The following LTBP1 variants were observed in gnomAD, a reference collection of about 807,000 sequenced individuals.
The protein encoded by LTBP1 is latent transforming growth factor beta binding protein 1.
LTBP1 carries 129 observed loss-of-function variants against 207.6 expected under a neutral mutation model. The observed-to-expected ratio is 0.62, with a 90% CI of 0.54 to 0.72. The LOEUF is 0.72. Among genes scored for constraint, LTBP1 ranks in the 30% least tolerant of loss-of-function variants. The pLI is 0.00. For synonymous variants in LTBP1, 963 were observed against 833.7 expected (o/e 1.16, Z -2.67); for missense variants, 2,281 against 2,217.2 (o/e 1.03, Z -0.58).
intron 3 of LTBP1, among the ~76,000 whole-genome samples, chr2:33,097,990 T>C (rs1489631668): frequency 6.6e-6 from 1 of 152,190 alleles, no homozygotes; most frequent in African/African-American, 2.4e-5. Flanking sequence ...AGTAGGTCAA[T>C]GAGTACATCA....
intron 15 of LTBP1, among the ~76,000 whole-genome samples, chr2:33,267,548 A>C (rs976179849): frequency 1.3e-5 from 2 of 152,258 alleles, no homozygotes; most frequent in African/African-American, 4.8e-5. Context: ...GCTGCAAAGT[A>C]TACAAGCAAA....
At chr2:32,998,524 A>G (rs1685638943) in intron 2 of LTBP1, among the ~76,000 whole-genome samples, 1 of 144,396 alleles carries the variant, frequency 6.9e-6, no homozygotes, top group South Asian at 2.1e-4. Context: ...AAAAAAAAAA[A>G]AAAAAAAAAA....
chr2:33,136,235 G>A (rs2082134081), intron 5 of LTBP1, among the ~76,000 whole-genome samples: 1 of 152,224 alleles, frequency 6.6e-6, no homozygotes, highest in African/African-American at 2.4e-5. Context: ...GCCATTAGGT[G>A]CCAAATGGCA....
chr2:33,146,725 A>C (rs989191690), intron 5 of LTBP1, among the ~76,000 whole-genome samples: 4 of 152,174 alleles, frequency 2.6e-5, no homozygotes, highest in Non-Finnish European at 5.9e-5. Flanking sequence ...ACATGGTTGG[A>C]GAAGGAGGAG....
At chr2:33,256,882 A>G (rs1048133029) in intron 11 of LTBP1, among the ~76,000 whole-genome samples, 2 of 149,218 alleles carry the variant, frequency 1.3e-5, no homozygotes, top group Non-Finnish European at 3.0e-5. Flanking sequence ...ATACTATGCA[A>G]TTTTATGTAA....
intron 4 of LTBP1, among the ~76,000 whole-genome samples, chr2:33,119,745 A>T (rs7575244): frequency 0.41 from 62,022 of 151,796 alleles, 12,883 homozygotes; most frequent in South Asian, 0.44. Context: ...TTTTTAGTAG[A>T]GGCGGGGTTT....
At chr2:33,055,492 A>C (rs1284716440) in intron 3 of LTBP1, among the ~76,000 whole-genome samples, 1 of 152,194 alleles carries the variant, frequency 6.6e-6, no homozygotes, top group African/African-American at 2.4e-5. Context: ...GTGGGGATCC[A>C]TACTGGGGAT....
rs145715707 is a variant in LTBP1, at chr2:33,096,705, G to T, written c.864-13877G>T. Among the ~76,000 whole-genome samples, 604 of 152,254 alleles carry T rather than the reference G, an allele frequency of 4.0e-3. 7 individuals are homozygous for T. The highest frequency in any genetic ancestry group is 0.014 in the African/African-American group (561 of 41,548). ...TGTGAAAATCCACTTGTAAGAGAATGGAAAGGAATTGGTGGTGATGGGTGT... is the reference window on the plus strand; with the variant it reads ...TGTGAAAATCCACTTGTAAGAGAATTGAAAGGAATTGGTGGTGATGGGTGT... On this transcript the variant is annotated intron_variant, in intron 3 of 33. Coordinates refer to ENST00000404816, the MANE Select transcript of LTBP1 (RefSeq NM_206943.4).
At chr2:33,169,772 C>T (rs535192137) in intron 5 of LTBP1, among the ~76,000 whole-genome samples, 41 of 152,020 alleles carry the variant, frequency 2.7e-4, no homozygotes, top group African/African-American at 9.4e-4. Flanking sequence ...AAAACCAACA[C>T]GAGAGTAATT....
At chr2:33,210,060 T>A (rs1573201319) in intron 7 of LTBP1, among the ~76,000 whole-genome samples, 1 of 152,374 alleles carries the variant, frequency 6.6e-6, no homozygotes, top group East Asian at 1.9e-4. Context: ...TTGTGGGTCA[T>A]CCTTACATTG....
At chr2:33,098,733 C>T (rs1481256677) in intron 3 of LTBP1, among the ~76,000 whole-genome samples, 1 of 152,188 alleles carries the variant, frequency 6.6e-6, no homozygotes, top group East Asian at 1.9e-4. Flanking sequence ...GCCACCGCGC[C>T]TGGCCCACAA....
intron 5 of LTBP1, among the ~76,000 whole-genome samples, chr2:33,141,217 A>C (rs2082624354): frequency 6.6e-6 from 1 of 152,232 alleles, no homozygotes; most frequent in Non-Finnish European, 1.5e-5. Context: ...GTATGAGTCC[A>C]TTTATATGAG....
At chr2:33,140,732 A>C (rs2082585309) in intron 5 of LTBP1, among the ~76,000 whole-genome samples, 1 of 148,704 alleles carries the variant, frequency 6.7e-6, no homozygotes, top group Admixed American at 6.9e-5. Flanking sequence ...CAGTGCCGCC[A>C]TCTCAGCTCA....
Position 33,020,920 on chromosome 2 carries a change from C to G in LTBP1, c.577C>G (p.Pro193Ala). The G allele has an allele frequency of 6.3e-7, 1 of 1,583,722 alleles. No homozygotes were observed. Among genetic ancestry groups the G allele is most frequent in the Non-Finnish European group, 8.6e-7 (1 of 1,159,010 alleles). ...TTTTCTTTCTGCAGCTAGCTGTGTT[C>G]CGCCATGTCAGAATGGAGGGATGTG... ...SQRCTKPSCVPPCQNGGMCLR... is the reference protein window; with the variant it reads ...SQRCTKPSCVAPCQNGGMCLR... The change falls in exon 3 of 34, where the codon CCG becomes GCG. Residue 193 changes from proline to alanine, a missense_variant. Coordinates refer to ENST00000404816, the MANE Select transcript of LTBP1 (RefSeq NM_206943.4).
chr2:33,339,667 C>T (rs1219563813), intron 24 of LTBP1, among the ~76,000 whole-genome samples: 8 of 150,448 alleles, frequency 5.3e-5, no homozygotes, highest in South Asian at 2.1e-4. Context: ...TTTTTTGAGA[C>T]GGAGTTTCGC....
intron 32 of LTBP1, among the ~76,000 whole-genome samples, chr2:33,392,821 G>A (rs187501407): frequency 4.9e-4 from 74 of 150,110 alleles, no homozygotes; most frequent in African/African-American, 1.8e-3. Flanking sequence ...AAATATTGTC[G>A]TAGATTAAGT....
At chr2:33,385,185 C>T (rs1012824957) in intron 31 of LTBP1, among the ~76,000 whole-genome samples, 1 of 152,070 alleles carries the variant, frequency 6.6e-6, no homozygotes, top group African/African-American at 2.4e-5. Flanking sequence ...CAGTTTTGTG[C>T]CTTGTTTGAG....
chr2:33,262,975 A>G (rs1166877476), intron 14 of LTBP1, 154 bp downstream of exon 14: 2 of 542,732 alleles, frequency 3.7e-6, no homozygotes, highest in African/African-American at 3.8e-5. Context: ...ATGTTAGCAT[A>G]ATTACAGCAT....
intron 26 of LTBP1, among the ~76,000 whole-genome samples, chr2:33,359,155 GAC>G (rs548600767): frequency 6.6e-6 from 1 of 152,178 alleles, no homozygotes; most frequent in Non-Finnish European, 1.5e-5. Context: ...ATCTGTCAAA[GAC>G]AAAATAATCA....
Sources: gnomAD v4.1 joint callset for allele counts (sites outside exome capture counted in the v4.1 genomes callset) on GRCh38, gnomAD v4.1.1 for gene constraint, MANE v1.5 for transcripts, NCBI Gene and HGNC (gene_info 2026-07-23, HGNC 2026-07-21) for gene names.